The following NTRK1 variants were observed in gnomAD, a reference collection of about 807,000 sequenced individuals.
NTRK1 encodes the protein neurotrophic receptor tyrosine kinase 1.
A neutral mutation model predicts 86.8 loss-of-function variants in NTRK1; 62 were observed. The ratio of observed to expected loss-of-function variants is 0.71; its 90% CI spans 0.58 to 0.88. The LOEUF (loss-of-function observed/expected upper bound fraction) is 0.88. Ranked by LOEUF, NTRK1 falls within the 40% of genes least tolerant of loss-of-function variation. The pLI, the probability that NTRK1 is intolerant of heterozygous loss-of-function variation, is 0.00. For missense variants in NTRK1, 967 were observed against 1,078.4 expected (o/e 0.90, Z 1.45); for synonymous variants, 469 against 456.6 (o/e 1.03, Z -0.35).
intron 1 of NTRK1, chr1:156,841,839 C>T (rs1170583770): frequency 1.2e-6 from 2 of 1,613,880 alleles, no homozygotes; most frequent in African/African-American, 2.7e-5. Context: ...GGCATAAGAG[C>T]CACGCACTAG....
chr1:156,845,158 GATCCGGT>G, intron 2 of NTRK1: 1 of 1,611,694 alleles, frequency 6.2e-7, no homozygotes, highest in Non-Finnish European at 8.5e-7. Context: ...CATGGATGTC[GATCCGGT>G]ATTCCGTGAA....
chr1:156,840,753 C>T, intron 1 of NTRK1: 2 of 764,494 alleles, frequency 2.6e-6, no homozygotes, highest in Non-Finnish European at 4.4e-6. Flanking sequence ...TTCTCTGCCC[C>T]ACCCTCGGCC....
chr1:156,825,980 T>G lies in NTRK1; in HGVS notation c.-64+10142T>G, dbSNP rs1271620986. On this transcript the variant is annotated intron_variant, in intron 1 of 16. Coordinates refer to the NTRK1 transcript ENST00000392302. ...TGCCCAGGGCCACACAGAAAGGAAG[T>G]GGGGATTAGAACCAGATGGTCTGGT... Among the ~76,000 whole-genome samples, 3 of 151,976 alleles carry G rather than the reference T, an allele frequency of 2.0e-5. 1 individual carries two copies. Among genetic ancestry groups the G allele is most frequent in the Admixed American group, 2.0e-4 (3 of 15,262 alleles).
chr1:156,864,662 G>T, intron 2 of NTRK1, 66 bp from the exon 3 acceptor site: 1 of 1,552,280 alleles, frequency 6.4e-7, no homozygotes, highest in East Asian at 2.3e-5. Flanking sequence ...GCTGGGATGG[G>T]CAGGGAGGGC....
In NTRK1 at chr1:156,844,170, A is replaced by G. The variant is rs1466326597; in HGVS notation, c.50+1977A>G. On this transcript the variant is annotated intron_variant, in intron 2 of 16. Transcript: ENST00000392302. The stretch of plus-strand genomic sequence containing the variant: ...GGGGTGGGGACCGGTGGGACTTATC[A>G]TCACCTCTTCTTGCCGTAGAAGAAA... The G allele has an allele frequency of 1.9e-6, 3 of 1,609,386 alleles. No individual in the cohort carries two copies. The South Asian group carries it at 3.3e-5, about 18-fold the overall frequency.
At chr1:156,849,500 G>A (rs1417701358) in intron 2 of NTRK1, 1 of 1,330,596 alleles carries the variant, frequency 7.5e-7, no homozygotes. Flanking sequence ...GGGGAGGTGG[G>A]GGCAGGGGGT....
intron 1 of NTRK1, among the ~76,000 whole-genome samples, chr1:156,862,188 A>G (rs1045234267): frequency 2.0e-5 from 3 of 152,126 alleles, no homozygotes; most frequent in Non-Finnish European, 4.4e-5. Context: ...AAGTTACTTG[A>G]GCAGCTTGCA....
chr1:156,871,594 C>T, intron 6 of NTRK1, 29 bp from the exon 7 acceptor site: 2 of 1,613,792 alleles, frequency 1.2e-6, no homozygotes, highest in Non-Finnish European at 1.7e-6. Context: ...AAAGCTCCTT[C>T]TTATTCCCCC....
intron 1 of NTRK1, among the ~76,000 whole-genome samples, chr1:156,839,128 A>G (rs1272764663): frequency 1.3e-5 from 2 of 152,252 alleles, no homozygotes; most frequent in Non-Finnish European, 2.9e-5. Flanking sequence ...GGGGCTCCAC[A>G]CAGGTGGTCC....
intron 2 of NTRK1, chr1:156,845,350 C>T (rs1282622450): frequency 6.2e-7 from 1 of 1,604,812 alleles, no homozygotes; most frequent in South Asian, 1.1e-5. Flanking sequence ...CGCCCCTCAG[C>T]ACCTGCCCTA....
At chr1:156,867,657 T>TTTC (rs1470411054) in intron 4 of NTRK1, among the ~76,000 whole-genome samples, 1 of 148,512 alleles carries the variant, frequency 6.7e-6, no homozygotes, top group East Asian at 2.0e-4. Context: ...TCTTTCTTTC[T>TTTC]TTTCTTTTCT....
intron 1 of NTRK1, among the ~76,000 whole-genome samples, chr1:156,830,465 G>T (rs1654438507): frequency 6.6e-6 from 1 of 151,960 alleles, no homozygotes; most frequent in South Asian, 2.1e-4. Context: ...GGTGAACCTG[G>T]GCAAGTTTCT....
At chr1:156,861,168 G>C (rs1464570322) in intron 1 of NTRK1, 22 bp downstream of exon 1, 3 of 1,539,670 alleles carry the variant, frequency 1.9e-6, no homozygotes, top group East Asian at 2.4e-5. Flanking sequence ...GCGGGCGGTG[G>C]GGGGGCGCGG....
At chr1:156,870,569 C>T (rs1227747212) in intron 6 of NTRK1, among the ~76,000 whole-genome samples, 2 of 152,122 alleles carry the variant, frequency 1.3e-5, no homozygotes, top group Non-Finnish European at 2.9e-5. Flanking sequence ...GTGGCTGGAA[C>T]CCAGAGCTTG....
Position 156,881,697 on chromosome 1 carries a change from G to T in NTRK1, c.*55G>T. The stretch of plus-strand genomic sequence containing the variant: ...GCCGGAATACTGGGGCCTGCCCTCA[G>T]CATCCCCCATAGCTCCCAGCAGCCC... On this transcript the variant is annotated 3_prime_UTR_variant, in exon 17 of 17. Coordinates refer to ENST00000524377, the MANE Select transcript of NTRK1 (RefSeq NM_002529.4). The T allele has an allele frequency of 6.6e-7, 1 of 1,515,126 alleles. No homozygotes were observed. The highest frequency in any genetic ancestry group is 8.9e-7 in the Non-Finnish European group (1 of 1,121,836). The allele number at this position is 1,515,126 out of a possible 1,614,324, so 93.9% of individuals were successfully genotyped here.
At chr1:156,820,488 C>T (rs1654154675) in intron 1 of NTRK1, among the ~76,000 whole-genome samples, 1 of 152,244 alleles carries the variant, frequency 6.6e-6, no homozygotes, top group Admixed American at 6.5e-5. Context: ...CTCAAGCCAT[C>T]TGCCTGCCTT....
chr1:156,875,293 G>A (rs1397830117), intron 11 of NTRK1, among the ~76,000 whole-genome samples: 1 of 152,048 alleles, frequency 6.6e-6, no homozygotes, highest in African/African-American at 2.4e-5. Context: ...GGGCTCTGTG[G>A]GGGTGGAGGG....
chr1:156,846,490 A>T, intron 2 of NTRK1: 1 of 1,557,378 alleles, frequency 6.4e-7, no homozygotes, highest in Non-Finnish European at 8.9e-7. Flanking sequence ...CAGGCGTCTG[A>T]CTGACTCTTG....
chr1:156,847,346 G>C (rs1655047769), intron 2 of NTRK1, among the ~76,000 whole-genome samples: 1 of 152,226 alleles, frequency 6.6e-6, no homozygotes, highest in South Asian at 2.1e-4. Context: ...GAGGCAACTA[G>C]TGCTGGCTGC....
Sources: gnomAD v4.1 joint callset for allele counts (sites outside exome capture counted in the v4.1 genomes callset) on GRCh38, gnomAD v4.1.1 for gene constraint, MANE v1.5 for transcripts, NCBI Gene and HGNC (gene_info 2026-07-23, HGNC 2026-07-21) for gene names.